Variants in STYXL2 observed in about 807,000 individuals in gnomAD.
The protein encoded by STYXL2 is serine/threonine/tyrosine-interacting-like protein 2.
In STYXL2, 44 loss-of-function variants were observed where a neutral mutation model predicts 52.4. The observed-to-expected ratio is 0.84, with a 90% CI of 0.66 to 1.08. The LOEUF (loss-of-function observed/expected upper bound fraction) is 1.08, where lower values mean the gene tolerates loss of function less well. Ranked by LOEUF, STYXL2 falls within the 50% of genes least tolerant of loss-of-function variation. The probability of loss-of-function intolerance (pLI) is 0.00; values close to 1 mark genes in which losing one functional copy is unlikely to be tolerated. For missense variants in STYXL2, 1,604 were observed against 1,471.7 expected, an observed-to-expected ratio of 1.09 and a Z score of -1.47; for synonymous variants, 604 against 586.9, an observed-to-expected ratio of 1.03 and a Z score of -0.42.
intron 2 of STYXL2, among the ~76,000 whole-genome samples, chr1:167,104,720 T>C (rs1399201947): frequency 6.6e-6 from 1 of 152,214 alleles, no homozygotes; most frequent in African/African-American, 2.4e-5. Context: ...TGCCTGTGTG[T>C]AGTCATTTTC....
At position 167,126,083 on chromosome 1, in the gene STYXL2, G is replaced by A; in HGVS notation, c.952G>A (p.Asp318Asn). 1 of 1,533,756 alleles carries A rather than the reference G, an allele frequency of 6.5e-7. No individual in the cohort carries two copies. Among genetic ancestry groups the A allele is most frequent in the East Asian group, 2.3e-5 (1 of 43,984 alleles). ...RVHALTVEEE[D>N]DSASHLSGSS... Reference sequence around the variant, plus strand: ...GCACGCCCTGACGGTGGAAGAGGAGGACGACAGCGCCAGCCACCTGAGTGG... The same window carrying A: ...GCACGCCCTGACGGTGGAAGAGGAGAACGACAGCGCCAGCCACCTGAGTGG... Residue 318 changes from aspartate to asparagine, a missense_variant, in exon 6 of 6, where the codon GAC becomes AAC. Asp to Asn is a conservative substitution (Grantham distance 23). Transcript: ENST00000361200.
In STYXL2 at chr1:167,127,749, A is replaced by G; in HGVS notation, c.2618A>G (p.Lys873Arg). The G allele has an allele frequency of 1.9e-6, 3 of 1,614,056 alleles. No individual in the cohort carries two copies. Among genetic ancestry groups the G allele is most frequent in the Non-Finnish European group, 1.7e-6 (2 of 1,180,002 alleles). The change falls in exon 6 of 6, where the codon AAG becomes AGG. Residue 873 changes from lysine to arginine, a missense_variant. Lys to Arg is a conservative substitution (Grantham distance 26, BLOSUM62 2). Coordinates refer to ENST00000361200, the MANE Select transcript of STYXL2 (RefSeq NM_001080426.3). ...CGCAGCTCCCTCTTCAAGAAGAAGAAGGTCAAGGAAGATGAGGATGATGGT... is the reference window on the plus strand; with the variant it reads ...CGCAGCTCCCTCTTCAAGAAGAAGAGGGTCAAGGAAGATGAGGATGATGGT... ...NKRSSLFKKK[K>R]VKEDEDDGVG...
In STYXL2 at chr1:167,127,617, A is replaced by G. The variant is rs763801072; in HGVS notation, c.2486A>G (p.Asp829Gly). The G allele has an allele frequency of 5.6e-6, 9 of 1,614,194 alleles. No homozygotes were observed. In the South Asian group the frequency reaches 9.9e-5, roughly 18 times the overall value. ...TSKPIFSLFA[D>G]NVDLKELGRK... ...AAGCCCATCTTCAGCCTCTTTGCTGACAATGTGGACCTAAAGGAACTTGGC... is the reference window on the plus strand; with the variant it reads ...AAGCCCATCTTCAGCCTCTTTGCTGGCAATGTGGACCTAAAGGAACTTGGC... The change falls in exon 6 of 6, where the codon GAC becomes GGC. Residue 829 changes from aspartate (D) to glycine (G), a missense_variant. Physicochemically the swap from Asp to Gly is moderately conservative, Grantham distance 94. Transcript: ENST00000361200.
intron 2 of STYXL2, among the ~76,000 whole-genome samples, chr1:167,098,003 CTTTTTTTTTTTTTTT>C (rs35037292): frequency 2.1e-5 from 2 of 96,600 alleles, no homozygotes; most frequent in Non-Finnish European, 3.9e-5. Context: ...TCTCTACAAA[CTTTTTTTTTTTTTTT>C]TTTTTTTTTT....
At chr1:167,123,454 C>T (rs1667900095) in intron 5 of STYXL2, among the ~76,000 whole-genome samples, 1 of 152,184 alleles carries the variant, frequency 6.6e-6, no homozygotes, top group African/African-American at 2.4e-5. Flanking sequence ...TCTCGTGATT[C>T]CACCTCCAAA....
Position 167,128,377 on chromosome 1 carries a change from T to G in STYXL2, c.3246T>G (p.Phe1082Leu). The G allele has an allele frequency of 6.2e-7, 1 of 1,614,078 alleles. No individual in the cohort carries two copies. Among genetic ancestry groups the G allele is most frequent in the African/African-American group, 1.3e-5 (1 of 75,016 alleles). ...EESSKSDFSE[F>L]GAKRKFTQSF... ...CATCCAAGTCAGACTTCTCTGAATT[T>G]GGAGCCAAGAGGAAGTTCACCCAGA... The change falls in exon 6 of 6, where the codon TTT becomes TTG. Residue 1082 changes from phenylalanine (F) to leucine (L), a missense_variant. Physicochemically the swap from Phe to Leu is conservative, Grantham distance 22. Coordinates refer to ENST00000361200, the MANE Select transcript of STYXL2 (RefSeq NM_001080426.3).
chr1:167,095,467 G>C (rs1667264492), intron 2 of STYXL2, among the ~76,000 whole-genome samples: 1 of 152,038 alleles, frequency 6.6e-6, no homozygotes, highest in Non-Finnish European at 1.5e-5. Context: ...GCATGCCTGG[G>C]GCAAGTGGCA....
intron 5 of STYXL2, among the ~76,000 whole-genome samples, chr1:167,122,886 C>G (rs1200857766): frequency 6.6e-6 from 1 of 152,152 alleles, no homozygotes; most frequent in Non-Finnish European, 1.5e-5. Context: ...AGGCCAGTCT[C>G]AAACTCCTGA....
chr1:167,110,910 C>T (rs10918629), intron 2 of STYXL2, among the ~76,000 whole-genome samples: 1 of 152,128 alleles, frequency 6.6e-6, no homozygotes, highest in African/African-American at 2.4e-5. Flanking sequence ...TCAGGGTCTC[C>T]ACCAGATTCC....
chr1:167,123,781 G>A (rs943155874), intron 5 of STYXL2, among the ~76,000 whole-genome samples: 2 of 151,954 alleles, frequency 1.3e-5, no homozygotes, highest in South Asian at 2.1e-4. Context: ...TCTCCACCAC[G>A]CCCAGCTAAT....
At position 167,127,250 on chromosome 1, in the gene STYXL2, C is replaced by G. The variant is rs1305305543; in HGVS notation, c.2119C>G (p.Leu707Val). 6.2e-7 allele frequency: 1 copy of G among 1,614,208 alleles called. No individual in the cohort carries two copies. The highest frequency in any genetic ancestry group is 8.5e-7 in the Non-Finnish European group (1 of 1,180,020). Reference sequence around the variant, plus strand: ...TTCAACCTCCAACCCCACCACACCCCTGCCTAACCTGCCAGTGGGGCCTGG... The same window carrying G: ...TTCAACCTCCAACCCCACCACACCCGTGCCTAACCTGCCAGTGGGGCCTGG... ...GCSTSNPTTPLPNLPVGPGDT... is the reference protein window; with the variant it reads ...GCSTSNPTTPVPNLPVGPGDT... The change falls in exon 6 of 6, where the codon CTG (leucine) becomes GTG (valine). Residue 707 changes from leucine (L) to valine (V), a missense_variant. Leu to Val is a conservative substitution (Grantham distance 32). Transcript: ENST00000361200.
chr1:167,094,253 C>T (rs10918624), intron 1 of STYXL2, 59 bp downstream of exon 1: 14,688 of 154,124 alleles, frequency 0.095, 725 homozygotes, highest in East Asian at 0.17. Flanking sequence ...ATACAAGGGG[C>T]AGCGGCTTTG....
At chr1:167,104,318 T>A (rs920829022) in intron 2 of STYXL2, among the ~76,000 whole-genome samples, 7 of 152,168 alleles carry the variant, frequency 4.6e-5, no homozygotes, top group African/African-American at 1.7e-4. Context: ...TCAAAATCCG[T>A]TCCTTGCTTT....
At chr1:167,111,376 G>A (rs910502669) in intron 2 of STYXL2, among the ~76,000 whole-genome samples, 17 of 150,324 alleles carry the variant, frequency 1.1e-4, no homozygotes, top group Admixed American at 2.7e-4. Context: ...ATACTTGCAC[G>A]CATATGTTTA....
chr1:167,116,733 C>T (rs1423027822), intron 3 of STYXL2, among the ~76,000 whole-genome samples: 1 of 143,570 alleles, frequency 7.0e-6, no homozygotes, highest in African/African-American at 2.6e-5. Flanking sequence ...CTCACTGCAA[C>T]CTCCATTTCC....
intron 2 of STYXL2, among the ~76,000 whole-genome samples, chr1:167,107,022 G>A (rs1226016081): frequency 6.6e-6 from 1 of 152,104 alleles, no homozygotes; most frequent in African/African-American, 2.4e-5. Flanking sequence ...GGACTTGACC[G>A]GGCAGTTTTT....
intron 2 of STYXL2, among the ~76,000 whole-genome samples, chr1:167,112,378 C>T (rs1034867627): frequency 9.9e-5 from 15 of 152,244 alleles, no homozygotes; most frequent in African/African-American, 2.9e-4. Flanking sequence ...TGTGGATGCA[C>T]GAGAGAATTG....
intron 2 of STYXL2, among the ~76,000 whole-genome samples, chr1:167,099,914 G>A (rs774985632): frequency 3.3e-5 from 5 of 152,230 alleles, no homozygotes; most frequent in Admixed American, 6.5e-5. Flanking sequence ...AATAGAGTCT[G>A]GCATATATAT....
At chr1:167,116,981 G>A (rs571366931) in intron 3 of STYXL2, among the ~76,000 whole-genome samples, 19 of 152,188 alleles carry the variant, frequency 1.2e-4, no homozygotes, top group African/African-American at 3.4e-4. Flanking sequence ...ACTTTGTACT[G>A]GGCACTGTGG....
Sources: gnomAD v4.1 joint callset for allele counts (sites outside exome capture counted in the v4.1 genomes callset) on GRCh38, gnomAD v4.1.1 for gene constraint, MANE v1.5 for transcripts, NCBI Gene and HGNC (gene_info 2026-07-23, HGNC 2026-07-21) for gene names.